NRXN2: variants seen among roughly 807,000 people sequenced by gnomAD.
The protein encoded by NRXN2 is neurexin-2-beta.
In NRXN2, 29 loss-of-function variants were observed where a neutral mutation model predicts 128.8. The ratio of observed to expected loss-of-function variants is 0.23; its 90% CI spans 0.17 to 0.31. The LOEUF is 0.31. NRXN2 is among the 10% of genes least tolerant of loss of function. NRXN2 has a pLI of 1.00. For missense variants in NRXN2, 1,881 were observed against 2,452.6 expected, an observed-to-expected ratio of 0.77 and a Z score of 4.92; for synonymous variants, 1,098 against 1,075.2, an observed-to-expected ratio of 1.02 and a Z score of -0.41.
chr11:64,692,823 C>A, intron 4 of NRXN2, 24 bp downstream of exon 4: 3 of 1,613,514 alleles, frequency 1.9e-6, no homozygotes, highest in Non-Finnish European at 2.5e-6. Context: ...CCAATCCAAA[C>A]CAAACCAAAA....
intron 1 of NRXN2, among the ~76,000 whole-genome samples, chr11:64,716,746 G>A (rs188228316): frequency 1.3e-5 from 2 of 152,258 alleles, no homozygotes; most frequent in Admixed American, 6.5e-5. Context: ...CAGGGACTGC[G>A]GAGCTAACCA....
rs1198860593 is a variant in NRXN2 at position 64,716,151 on chromosome 11, C to T, written c.-244-2208G>A. 3.9e-5 allele frequency among the ~76,000 whole-genome samples: 6 copies of T among 152,346 alleles called. 1 individual carries two copies. In the East Asian group the frequency reaches 1.2e-3, roughly 29 times the overall value. On this transcript the variant is annotated intron_variant, in intron 1 of 22. Transcript: ENST00000265459. ...GGCCTAGCCTCTGTCTGCTGCTCTC[C>T]CAGCATCCACCCCCACCTCCGGACA...
rs2048798456 is a variant in NRXN2, at chr11:64,660,019, G to A, written c.2389+313C>T. 6.6e-6 allele frequency among the ~76,000 whole-genome samples: 1 copy of A among 152,228 alleles called. No homozygotes were observed. Among genetic ancestry groups the A allele is most frequent in the Admixed American group, 6.5e-5 (1 of 15,290 alleles). ...GAGCCATTGACCAAAAATGAGCTGT[G>A]TCATCTGTGTGTGTGCAGGACAGAT... On this transcript the variant is annotated intron_variant, in intron 11 of 22. Transcript: ENST00000265459. This position sits in a 1 kb window ranked among gnomAD's most constrained non-coding sequence, Gnocchi z 5.2.
chr11:64,672,509 G>C (rs1400955108), intron 7 of NRXN2, among the ~76,000 whole-genome samples: 1 of 152,156 alleles, frequency 6.6e-6, no homozygotes, highest in African/African-American at 2.4e-5. Flanking sequence ...TTAACTTGTG[G>C]GCAAGCTGGC....
chr11:64,676,612 G>A, intron 7 of NRXN2: 1 of 249,396 alleles, frequency 4.0e-6, no homozygotes, highest in Non-Finnish European at 7.7e-6. Flanking sequence ...GGAGGGGAGG[G>A]AAAAGAACAA....
In NRXN2 at chr11:64,651,455, G is replaced by A. The variant is rs773121142; in HGVS notation, c.2718C>T (p.Leu906=). The change falls in exon 14 of 23, where the codon CTC becomes CTT. Residue 906 remains leucine (L), a synonymous_variant. Coordinates refer to ENST00000265459, the MANE Select transcript of NRXN2 (RefSeq NM_015080.4). The surrounding 1 kb of genome is among the most constrained non-coding windows in gnomAD (Gnocchi z 5.9). Reference sequence around the variant, plus strand: ...TGGCACGCAGGCCAAAGCGAGCATTGAGCTCACAGTAGGTGATGTCACCAT... The same window carrying A: ...TGGCACGCAGGCCAAAGCGAGCATTAAGCTCACAGTAGGTGATGTCACCAT... The part of the protein sequence containing the change: ...CKDGDITYCE[L]NARFGLRAIV... 13 of 1,614,074 alleles carry A rather than the reference G, an allele frequency of 8.1e-6. No individual in the cohort carries two copies. The South Asian group carries it at 1.4e-4, about 18-fold the overall frequency.
At chr11:64,661,214 C>T (rs1456288317) in intron 9 of NRXN2, 75 bp from the exon 10 acceptor site, 1 of 1,600,238 alleles carries the variant, frequency 6.2e-7, no homozygotes, top group African/African-American at 1.3e-5. Flanking sequence ...CCAAGAAGGC[C>T]CCCCACCTTG....
In NRXN2 at chr11:64,713,684, G is replaced by C; in HGVS notation, c.16C>G (p.Arg6Gly). The C allele has an allele frequency of 8.8e-7, 1 of 1,138,736 alleles. No homozygotes were observed. The highest frequency in any genetic ancestry group is 1.1e-6 in the Non-Finnish European group (1 of 931,368). The allele number at this position is 1,138,736 out of a possible 1,614,324, so 70.5% of individuals were successfully genotyped here. ...AGCGGCGGCGGTGTCGGCCGCCACC[G>C]GCTCCCGGACGCCATGCCTACGGCG... Reference protein sequence around the residue: MASGSRWRPTPPPLLL... With the variant: MASGSGWRPTPPPLLL... The change falls in exon 2 of 23, where the codon CGG becomes GGG. Residue 6 changes from arginine (R) to glycine (G), a missense_variant. Arg to Gly is a moderately radical substitution (Grantham distance 125). This residue lies in a region of NRXN2 where 997 missense variants were observed against 1,240.8 expected (regional missense o/e 0.80). Transcript: ENST00000265459.
intron 1 of NRXN2, among the ~76,000 whole-genome samples, chr11:64,717,168 T>C (rs2057327387): frequency 6.6e-6 from 1 of 152,104 alleles, no homozygotes; most frequent in African/African-American, 2.4e-5. Context: ...CAACAGCTCC[T>C]CCCCAGGTTT....
chr11:64,607,075 G>A lies in NRXN2; in HGVS notation c.*121C>T, dbSNP rs936413722. On this transcript the variant is annotated 3_prime_UTR_variant, in exon 23 of 23. Transcript: ENST00000265459. Reference sequence around the variant, plus strand: ...TTTTCTTTTTTTGCGTTTCCTCTTCGTAAGAGAAGCCTGAGGCAGCCAGGG... The same window carrying A: ...TTTTCTTTTTTTGCGTTTCCTCTTCATAAGAGAAGCCTGAGGCAGCCAGGG... The A allele has an allele frequency of 1.7e-5, 19 of 1,093,932 alleles. No individual in the cohort carries two copies. In the Admixed American group the frequency reaches 2.2e-4, roughly 13 times the overall value. 67.8% of individuals were successfully genotyped at this position (1,093,932 alleles called of 1,614,324 possible).
intron 18 of NRXN2, among the ~76,000 whole-genome samples, chr11:64,634,944 G>A (rs962790582): frequency 6.6e-6 from 1 of 152,190 alleles, no homozygotes; most frequent in African/African-American, 2.4e-5. Context: ...ACCTCCGAAG[G>A]CTACAGGAGA....
chr11:64,655,706 CAG>C (rs1440820810), intron 11 of NRXN2, among the ~76,000 whole-genome samples: 1 of 152,178 alleles, frequency 6.6e-6, no homozygotes, highest in Non-Finnish European at 1.5e-5. Context: ...CCCACCCCTG[CAG>C]AGACTCCACC....
At chr11:64,624,077 G>A (rs1242500304) in intron 20 of NRXN2, 1 of 152,234 alleles carries the variant, frequency 6.6e-6, no homozygotes, top group Non-Finnish European at 1.5e-5. Flanking sequence ...TGGGCAGAGG[G>A]CCTACCACAT....
chr11:64,682,781 C>T (rs1037254965), intron 6 of NRXN2, among the ~76,000 whole-genome samples: 2 of 152,110 alleles, frequency 1.3e-5, no homozygotes, highest in Non-Finnish European at 2.9e-5. Context: ...CTCGGGGAAT[C>T]CTCAGAGGTA....
intron 11 of NRXN2, among the ~76,000 whole-genome samples, chr11:64,655,065 G>C (rs766868161): frequency 1.3e-5 from 2 of 152,142 alleles, no homozygotes; most frequent in Non-Finnish European, 2.9e-5. Context: ...CCCCAAATAG[G>C]CTCTGCCTAC....
chr11:64,663,109 C>T (rs149015316), intron 9 of NRXN2, among the ~76,000 whole-genome samples: 2,646 of 152,154 alleles, frequency 0.017, 63 homozygotes, highest in African/African-American at 0.059. Context: ...ATGGCTCACA[C>T]GTGTAATCCC....
At position 64,606,238 on chromosome 11, in the gene NRXN2, G is replaced by A. The variant is rs1000424307; in HGVS notation, c.*958C>T. 6.6e-6 allele frequency: 1 copy of A among 152,508 alleles called. No homozygotes were observed. The highest frequency in any genetic ancestry group is 2.4e-5 in the African/African-American group (1 of 41,424). 9.4% of individuals were successfully genotyped at this position (152,508 alleles called of 1,614,324 possible). ...TTTCCGGGGTTGGGGTGTTTTCCAA[G>A]ACTCAGACACATTTGTTAACAAAGA... On this transcript the variant is annotated 3_prime_UTR_variant, in exon 23 of 23. Coordinates refer to ENST00000265459, the MANE Select transcript of NRXN2 (RefSeq NM_015080.4).
intron 2 of NRXN2, among the ~76,000 whole-genome samples, chr11:64,711,202 G>C (rs1360301860): frequency 1.3e-5 from 2 of 152,170 alleles, no homozygotes; most frequent in East Asian, 1.9e-4. Flanking sequence ...GCAGTGCCGG[G>C]CCACATTCAT....
intron 22 of NRXN2, among the ~76,000 whole-genome samples, chr11:64,617,323 CT>C (rs1201479375): frequency 6.6e-6 from 1 of 152,128 alleles, no homozygotes; most frequent in Admixed American, 6.5e-5. Context: ...GTGCTCTTCT[CT>C]TCCTGCACGT....
Sources: allele counts gnomAD v4.1 joint callset (sites outside exome capture counted in the v4.1 genomes callset), GRCh38; gene constraint gnomAD v4.1.1; regional missense constraint gnomAD v4.1.1; non-coding constraint Gnocchi (gnomAD v3.1); transcripts MANE v1.5; gene names NCBI Gene and HGNC (gene_info 2026-07-23, HGNC 2026-07-21).